The following ITCH variants were observed in gnomAD, a reference collection of about 807,000 sequenced individuals.
ITCH encodes E3 ubiquitin-protein ligase Itchy homolog.
A neutral mutation model predicts 126.8 loss-of-function variants in ITCH; 28 were observed. The observed-to-expected ratio is 0.22, with a 90% CI of 0.16 to 0.30. ITCH has a LOEUF of 0.30. Among genes scored for constraint, ITCH ranks in the 10% least tolerant of loss-of-function variants. The pLI is 1.00. For missense variants in ITCH, 631 were observed against 1,032.4 expected, an observed-to-expected ratio of 0.61 and a Z score of 5.33; for synonymous variants, 342 against 340.0, an observed-to-expected ratio of 1.01 and a Z score of -0.06.
rs182910216 is a variant in ITCH, at chr20:34,505,713, G to A, written c.2489+1310G>A. On this transcript the variant is annotated intron_variant, in intron 24 of 24. Transcript: ENST00000374864. ...GACTATAGGCAGCATGCACCACCAC[G>A]CATGGCTAATTTTTGTATTTTTAGT... Among the ~76,000 whole-genome samples, 172 of 151,922 alleles carry A rather than the reference G, an allele frequency of 1.1e-3. 1 individual carries two copies. The highest frequency in any genetic ancestry group is 4.0e-3 in the African/African-American group (166 of 41,464).
intron 7 of ITCH, among the ~76,000 whole-genome samples, chr20:34,424,800 C>T (rs1424560392): frequency 6.6e-6 from 1 of 152,138 alleles, no homozygotes; most frequent in Non-Finnish European, 1.5e-5. Context: ...GTGTTCTAAA[C>T]TCCAGAGCCA....
chr20:34,404,614 T>G (rs2038993785), intron 3 of ITCH, among the ~76,000 whole-genome samples: 1 of 152,004 alleles, frequency 6.6e-6, no homozygotes, highest in Admixed American at 6.6e-5. Context: ...GAGACAGGGT[T>G]TCACCATGTT....
chr20:34,387,807 C>T (rs1052880904), intron 2 of ITCH, among the ~76,000 whole-genome samples: 3 of 151,886 alleles, frequency 2.0e-5, no homozygotes, highest in African/African-American at 4.8e-5. Flanking sequence ...TGGGTTCAAG[C>T]GGTTCTCTTG....
At chr20:34,450,306 A>T (rs947813472) in intron 12 of ITCH, among the ~76,000 whole-genome samples, 1 of 152,174 alleles carries the variant, frequency 6.6e-6, no homozygotes, top group Non-Finnish European at 1.5e-5. Flanking sequence ...AAAGCTTTTT[A>T]AAAAATTGTA....
intron 14 of ITCH, chr20:34,466,335 G>A (rs760227465): frequency 1.9e-6 from 1 of 526,674 alleles, no homozygotes; most frequent in Admixed American, 2.0e-5. Flanking sequence ...TTTTTTTTTA[G>A]TATTTTTCCA....
At position 34,427,456 on chromosome 20, in the gene ITCH, A is replaced by G. The variant is rs148803106; in HGVS notation, c.521+2931A>G. On this transcript the variant is annotated intron_variant, in intron 7 of 24. Transcript: ENST00000374864. ...AAACAAAACAGAAAAATTAAAATTA[A>G]AAAACGGTAGTTAGGCCTGGTGGCA... Among the ~76,000 whole-genome samples the G allele has an allele frequency of 1.9e-4, 29 of 152,154 alleles. No individual in the cohort carries two copies. In the East Asian group the frequency reaches 5.6e-3, roughly 29 times the overall value.
At chr20:34,388,923 A>T (rs1286190210) in intron 2 of ITCH, among the ~76,000 whole-genome samples, 1 of 152,210 alleles carries the variant, frequency 6.6e-6, no homozygotes, top group Non-Finnish European at 1.5e-5. Flanking sequence ...AAAACAAGAG[A>T]TGAAGATAAG....
intron 2 of ITCH, among the ~76,000 whole-genome samples, chr20:34,378,731 T>C (rs1028014396): frequency 5.3e-5 from 8 of 152,046 alleles, no homozygotes; most frequent in African/African-American, 1.9e-4. Flanking sequence ...TTAAAAGAGA[T>C]TTTTAGGTGG....
intron 14 of ITCH, among the ~76,000 whole-genome samples, chr20:34,462,926 T>G (rs1986676010): frequency 6.6e-6 from 1 of 152,266 alleles, no homozygotes; most frequent in Non-Finnish European, 1.5e-5. Context: ...TTGTAATATG[T>G]ATCAACATTT....
chr20:34,484,283 C>G (rs1988960460), intron 20 of ITCH, among the ~76,000 whole-genome samples: 1 of 152,182 alleles, frequency 6.6e-6, no homozygotes. Context: ...GCAATTCTTT[C>G]CAGCCAGGGT....
intron 22 of ITCH, 108 bp downstream of exon 22, chr20:34,490,034 C>T (rs1487780860): frequency 2.7e-6 from 2 of 742,972 alleles, no homozygotes; most frequent in East Asian, 5.2e-5. Context: ...TGTATATAGA[C>T]CCCTTAGTCC....
At chr20:34,438,756 A>G in intron 8 of ITCH, 125 bp downstream of exon 8, 1 of 1,281,964 alleles carries the variant, frequency 7.8e-7, no homozygotes, top group East Asian at 2.4e-5. Context: ...AAGATTTTGG[A>G]AAAGAATGAT....
chr20:34,367,548 TGCCAGAA>T (rs2037465278), intron 1 of ITCH, among the ~76,000 whole-genome samples: 1 of 152,220 alleles, frequency 6.6e-6, no homozygotes, highest in Admixed American at 6.5e-5. Flanking sequence ...AATTGGAAGC[TGCCAGAA>T]GCACTGTGTT....
chr20:34,507,285 TTTTTG>T (rs1334859033), intron 24 of ITCH, among the ~76,000 whole-genome samples: 238 of 102,486 alleles, frequency 2.3e-3, no homozygotes, highest in African/African-American at 7.9e-3. Flanking sequence ...TTTTTTTTTT[TTTTTG>T]GTTGTTGTTG....
At chr20:34,442,824 A>G (rs1027862587) in intron 10 of ITCH, among the ~76,000 whole-genome samples, 1 of 151,612 alleles carries the variant, frequency 6.6e-6, no homozygotes, top group African/African-American at 2.4e-5. Flanking sequence ...ATACAAAAAA[A>G]AAAAAGCCAG....
chr20:34,416,165 G>A (rs1394627088), intron 6 of ITCH, among the ~76,000 whole-genome samples: 2 of 152,076 alleles, frequency 1.3e-5, no homozygotes, highest in South Asian at 2.1e-4. Flanking sequence ...CTGGGAGGCC[G>A]AGGCAGGCGG....
chr20:34,400,176 A>G (rs1266892386), intron 3 of ITCH, among the ~76,000 whole-genome samples: 2 of 151,984 alleles, frequency 1.3e-5, no homozygotes, highest in Non-Finnish European at 2.9e-5. Flanking sequence ...TGACCTTGTG[A>G]TCTGCCCACC....
intron 13 of ITCH, 133 bp from the exon 14 acceptor site, chr20:34,461,960 A>G: frequency 1.2e-6 from 1 of 826,068 alleles, no homozygotes; most frequent in Non-Finnish European, 2.0e-6. Context: ...GATGTCTAGT[A>G]TACAACTGAA....
At chr20:34,492,888 A>G (rs1413962632) in intron 23 of ITCH, among the ~76,000 whole-genome samples, 1 of 152,220 alleles carries the variant, frequency 6.6e-6, no homozygotes, top group Non-Finnish European at 1.5e-5. Flanking sequence ...AGAGTCAATC[A>G]CTATTGGTTG....
Sources: allele counts gnomAD v4.1 joint callset (sites outside exome capture counted in the v4.1 genomes callset), GRCh38; gene constraint gnomAD v4.1.1; transcripts MANE v1.5; gene names NCBI Gene and HGNC (gene_info 2026-07-23, HGNC 2026-07-21).